NR3C2: variants seen among roughly 807,000 people sequenced by gnomAD.
NR3C2 encodes the protein mineralocorticoid receptor.
A neutral mutation model predicts 86.4 loss-of-function variants in NR3C2; 15 were observed. That is an observed-to-expected ratio of 0.17 (90% confidence interval 0.12 to 0.27). NR3C2 has a LOEUF of 0.27. NR3C2 is among the 10% of genes least tolerant of loss of function. The pLI is 1.00. For synonymous variants in NR3C2, 458 were observed against 450.5 expected, an observed-to-expected ratio of 1.02 and a Z score of -0.21; for missense variants, 960 against 1,195.6, an observed-to-expected ratio of 0.80 and a Z score of 2.91.
chr4:148,431,084 A>G (rs1388946554), intron 2 of NR3C2, among the ~76,000 whole-genome samples: 2 of 152,194 alleles, frequency 1.3e-5, no homozygotes, highest in African/African-American at 4.8e-5. Context: ...GTGTTATGTC[A>G]ACAGAAATGC....
At chr4:148,335,785 T>C (rs1468751875) in intron 2 of NR3C2, among the ~76,000 whole-genome samples, 1 of 151,976 alleles carries the variant, frequency 6.6e-6, no homozygotes, top group African/African-American at 2.4e-5. Flanking sequence ...TTGTAACCTA[T>C]AACGCTACTT....
intron 2 of NR3C2, among the ~76,000 whole-genome samples, chr4:148,366,285 T>C (rs1031717645): frequency 3.3e-5 from 5 of 152,026 alleles, no homozygotes; most frequent in Non-Finnish European, 7.4e-5. Flanking sequence ...CCAAATCCTT[T>C]TCCTTGGGCC....
chr4:148,254,677 A>G (rs1183189278), intron 3 of NR3C2, among the ~76,000 whole-genome samples: 1 of 152,234 alleles, frequency 6.6e-6, no homozygotes, highest in East Asian at 1.9e-4. Flanking sequence ...GTAAATAATT[A>G]GAAAGAGTCA....
At chr4:148,330,773 G>A (rs912854947) in intron 2 of NR3C2, among the ~76,000 whole-genome samples, 1 of 152,146 alleles carries the variant, frequency 6.6e-6, no homozygotes, top group Non-Finnish European at 1.5e-5. Context: ...CCTGGTGGGA[G>A]GTTGTCTGGA....
intron 3 of NR3C2, among the ~76,000 whole-genome samples, chr4:148,226,261 G>C (rs1286163271): frequency 6.6e-6 from 1 of 152,106 alleles, no homozygotes; most frequent in Non-Finnish European, 1.5e-5. Flanking sequence ...AAGCTACCCT[G>C]TGCTCTCTCC....
At chr4:148,317,735 T>C (rs577396358) in intron 2 of NR3C2, among the ~76,000 whole-genome samples, 104 of 151,792 alleles carry the variant, frequency 6.9e-4, no homozygotes, top group Middle Eastern at 6.8e-3. Context: ...AATATTATGG[T>C]CAAAAATGAA....
intron 4 of NR3C2, among the ~76,000 whole-genome samples, chr4:148,169,258 C>T (rs1403512655): frequency 3.3e-5 from 5 of 152,106 alleles, no homozygotes; most frequent in Admixed American, 2.6e-4. Context: ...AAATTATTCT[C>T]AATATTATCA....
chr4:148,261,260 A>G (rs1315327193), intron 2 of NR3C2, among the ~76,000 whole-genome samples: 1 of 142,656 alleles, frequency 7.0e-6, no homozygotes, highest in African/African-American at 2.5e-5. Flanking sequence ...CACTATGGTC[A>G]GCGCTATGGT....
chr4:148,398,066 T>C (rs1296311686), intron 2 of NR3C2, among the ~76,000 whole-genome samples: 1 of 152,166 alleles, frequency 6.6e-6, no homozygotes, highest in African/African-American at 2.4e-5. Context: ...TTCCCCTGTG[T>C]TTCTCTATCT....
intron 6 of NR3C2, 27 bp from the exon 7 acceptor site, chr4:148,120,315 G>A: frequency 6.2e-7 from 1 of 1,613,604 alleles, no homozygotes; most frequent in Non-Finnish European, 8.5e-7. Flanking sequence ...GAAAATGTCT[G>A]AGAATGCAAG....
chr4:148,269,720 G>C (rs1740578494), intron 2 of NR3C2, among the ~76,000 whole-genome samples: 1 of 152,148 alleles, frequency 6.6e-6, no homozygotes, highest in South Asian at 2.1e-4. Flanking sequence ...GCAATCTGTG[G>C]CATGTGTGAG....
rs76089180 is a variant in NR3C2, at chr4:148,234,681, T to TAAAA, written c.1897+25293_1897+25296dup. ...CTGGGCGACACAGTGAGACTCCAAC[T>TAAAA]AAAAAAAAAAAAAAAAAAGGAGGGA... On this transcript the variant is annotated intron_variant, in intron 3 of 8. Coordinates refer to ENST00000358102, the MANE Select transcript of NR3C2 (RefSeq NM_000901.5). Among the ~76,000 whole-genome samples, 433 of 73,052 alleles carry TAAAA rather than the reference T, an allele frequency of 5.9e-3. 6 individuals carry two copies. The highest frequency in any genetic ancestry group is 0.019 in the African/African-American group (421 of 21,690). The allele number at this position is 73,052 out of a possible 152,430, so 47.9% of individuals were successfully genotyped here.
At position 148,436,147 on chromosome 4, in the gene NR3C2, G is replaced by A; in HGVS notation, c.714C>T (p.Ser238=). The A allele has an allele frequency of 6.2e-7, 1 of 1,614,128 alleles. No homozygotes were observed. Among genetic ancestry groups the A allele is most frequent in the Non-Finnish European group, 8.5e-7 (1 of 1,180,018 alleles). The change falls in exon 2 of 9, where the codon TCC becomes TCT. Residue 238 remains serine, a synonymous_variant. Transcript: ENST00000358102. ...TGGAGCCTCGATTTTCAACATTAGG[G>A]GAGCATGTCAGAGGAGTTCCCTGGG... The part of the protein sequence containing the change: ...PITQGTPLTC[S]PNVENRGSRS...
intron 3 of NR3C2, among the ~76,000 whole-genome samples, chr4:148,252,367 T>C (rs145278124): frequency 6.6e-6 from 1 of 152,294 alleles, no homozygotes; most frequent in East Asian, 1.9e-4. Context: ...AAGAAGGCTA[T>C]TATGAGAAAT....
At chr4:148,164,004 G>C (rs1359161068) in intron 4 of NR3C2, among the ~76,000 whole-genome samples, 3 of 152,140 alleles carry the variant, frequency 2.0e-5, no homozygotes, top group Admixed American at 6.5e-5. Context: ...GAAGAGGATC[G>C]ACAGCTAAAA....
intron 2 of NR3C2, among the ~76,000 whole-genome samples, chr4:148,376,060 A>C (rs2126414493): frequency 6.6e-6 from 1 of 152,074 alleles, no homozygotes; most frequent in Admixed American, 6.6e-5. Flanking sequence ...ATTGGTCATG[A>C]AAGGACATAG....
At chr4:148,347,349 A>G (rs1453117970) in intron 2 of NR3C2, among the ~76,000 whole-genome samples, 1 of 151,982 alleles carries the variant, frequency 6.6e-6, no homozygotes, top group Non-Finnish European at 1.5e-5. Context: ...ATTATTTGAA[A>G]TATCAAATAG....
intron 8 of NR3C2, among the ~76,000 whole-genome samples, chr4:148,095,940 C>T (rs1031973435): frequency 3.3e-5 from 5 of 152,208 alleles, no homozygotes; most frequent in African/African-American, 9.6e-5. Flanking sequence ...ATTTTTATAA[C>T]AAATTTAACA....
At chr4:148,223,762 A>G (rs1737992396) in intron 3 of NR3C2, among the ~76,000 whole-genome samples, 1 of 152,226 alleles carries the variant, frequency 6.6e-6, no homozygotes, top group Non-Finnish European at 1.5e-5. Context: ...GTGAGAGATG[A>G]ATCACAAATT....
Sources: allele counts gnomAD v4.1 joint callset (sites outside exome capture counted in the v4.1 genomes callset), GRCh38; gene constraint gnomAD v4.1.1; transcripts MANE v1.5; gene names NCBI Gene and HGNC (gene_info 2026-07-23, HGNC 2026-07-21).